Variants in EPS15L1 observed in about 807,000 individuals in gnomAD.
EPS15L1 encodes epidermal growth factor receptor pathway substrate 15 like 1, also known as epidermal growth factor receptor substrate 15-like 1.
In EPS15L1, 43 loss-of-function variants were observed where a neutral mutation model predicts 117.1. That is an observed-to-expected ratio of 0.37 (90% confidence interval 0.29 to 0.47). EPS15L1 has a LOEUF of 0.47. EPS15L1 is among the 20% of genes least tolerant of loss of function. The pLI, the probability that EPS15L1 is intolerant of heterozygous loss-of-function variation, is 0.99. For missense variants in EPS15L1, 981 were observed against 1,164.0 expected, an observed-to-expected ratio of 0.84 and a Z score of 2.29; for synonymous variants, 459 against 470.5, an observed-to-expected ratio of 0.98 and a Z score of 0.32.
At chr19:16,386,703 GC>G (rs1223762013) in intron 19 of EPS15L1, among the ~76,000 whole-genome samples, 1 of 152,226 alleles carries the variant, frequency 6.6e-6, no homozygotes, top group Non-Finnish European at 1.5e-5. Context: ...AAAGATGCAA[GC>G]CCTGAACTTC....
At chr19:16,417,867 C>A in intron 11 of EPS15L1, 81 bp downstream of exon 11, 1 of 1,534,224 alleles carries the variant, frequency 6.5e-7, no homozygotes, top group Admixed American at 1.9e-5. Flanking sequence ...ACCGTGGGCT[C>A]ATGTGTGCCA....
chr19:16,392,238 G>A, intron 19 of EPS15L1, 66 bp downstream of exon 19: 2 of 1,587,580 alleles, frequency 1.3e-6, no homozygotes, highest in Non-Finnish European at 1.7e-6. Context: ...GGGCCTTCGG[G>A]AAGCGCCACC....
rs1381550916 is a variant in EPS15L1, at chr19:16,417,599, G to A, written c.1146C>T (p.Gly382=). 18 of 1,614,064 alleles carry A rather than the reference G, an allele frequency of 1.1e-5. No homozygotes were observed. The highest frequency in any genetic ancestry group is 6.6e-5 in the South Asian group (6 of 91,084). ...GACTGATGTCATCAAGCTCCTTCAC[G>A]CCAGTAAACTCCCCGGAGCCGAGAG... is the stretch of plus-strand genomic sequence containing the variant. The part of the protein sequence containing the change: ...SGSLGSGEFT[G]VKELDDISQE... The change falls in exon 12 of 24, where the codon GGC becomes GGT. Residue 382 remains glycine (G), a synonymous_variant. Transcript: ENST00000455140.
At chr19:16,412,197 G>C (rs953450784) in intron 13 of EPS15L1, among the ~76,000 whole-genome samples, 3 of 152,060 alleles carry the variant, frequency 2.0e-5, no homozygotes, top group African/African-American at 7.2e-5. Context: ...TTTAGAAAAA[G>C]AGAAGCCACC....
intron 19 of EPS15L1, among the ~76,000 whole-genome samples, chr19:16,388,228 C>A (rs1378130843): frequency 6.6e-6 from 1 of 152,034 alleles, no homozygotes. Context: ...TTAGTAGAGA[C>A]GGGGTTTCAC....
chr19:16,368,522 T>C (rs2092171828), intron 22 of EPS15L1, among the ~76,000 whole-genome samples: 1 of 151,762 alleles, frequency 6.6e-6, no homozygotes, highest in Admixed American at 6.6e-5. Flanking sequence ...ACACAACAGG[T>C]GATCCCACAC....
intron 1 of EPS15L1, among the ~76,000 whole-genome samples, chr19:16,445,955 G>A (rs1473048725): frequency 1.3e-5 from 2 of 152,252 alleles, no homozygotes; most frequent in African/African-American, 4.8e-5. Context: ...AATTGTTGAT[G>A]AGGTTCAGTG....
intron 9 of EPS15L1, among the ~76,000 whole-genome samples, chr19:16,423,689 A>C (rs1010696085): frequency 2.0e-5 from 3 of 152,208 alleles, no homozygotes; most frequent in Non-Finnish European, 1.5e-5. Context: ...AGCCTTCTCA[A>C]GTCTGGTGGA....
At chr19:16,460,317 G>A (rs1308325214) in intron 1 of EPS15L1, among the ~76,000 whole-genome samples, 3 of 152,016 alleles carry the variant, frequency 2.0e-5, no homozygotes, top group African/African-American at 7.2e-5. Flanking sequence ...AATTCTCTTA[G>A]TCTCAGCTGT....
rs1376128039 is a variant in EPS15L1, at chr19:16,425,072, G to A, written c.792+11C>T. 6.2e-7 allele frequency: 1 copy of A among 1,610,058 alleles called. No homozygotes were observed. The highest frequency in any genetic ancestry group is 1.3e-5 in the African/African-American group (1 of 74,864). ...TCTGAGAGGGGGCTGTGCCCGCTGA[G>A]GGCTCCGTACCTGTGTTTGCTTGAG... On this transcript the variant is annotated intron_variant, in intron 9 of 23. Coordinates refer to ENST00000455140, the MANE Select transcript of EPS15L1 (RefSeq NM_001258374.3).
At chr19:16,431,440 ACT>A (rs1331797711) in intron 7 of EPS15L1, among the ~76,000 whole-genome samples, 7 of 151,338 alleles carry the variant, frequency 4.6e-5, no homozygotes, top group African/African-American at 1.7e-4. Flanking sequence ...AGTCGCTGGG[ACT>A]ACATGAGTGT....
chr19:16,378,166 T>C (rs1161070847), intron 21 of EPS15L1, among the ~76,000 whole-genome samples: 2 of 151,656 alleles, frequency 1.3e-5, no homozygotes, highest in Non-Finnish European at 2.9e-5. Context: ...GGGTGGGTGG[T>C]AGACAGGGAG....
chr19:16,407,198 G>A (rs2092665095), intron 13 of EPS15L1, among the ~76,000 whole-genome samples: 1 of 152,120 alleles, frequency 6.6e-6, no homozygotes, highest in Non-Finnish European at 1.5e-5. Flanking sequence ...AGGTGCTCAG[G>A]GTACCTCACC....
intron 4 of EPS15L1, among the ~76,000 whole-genome samples, chr19:16,438,893 C>T (rs1599650748): frequency 1.3e-5 from 2 of 152,116 alleles, no homozygotes; most frequent in East Asian, 3.9e-4. Flanking sequence ...TGGTTCACCA[C>T]GATCCCCTCG....
chr19:16,367,071 GGA>G (rs2092143363), intron 22 of EPS15L1, among the ~76,000 whole-genome samples: 1 of 151,970 alleles, frequency 6.6e-6, no homozygotes, highest in Non-Finnish European at 1.5e-5. Context: ...ACATGAGTAA[GGA>G]GAGAGCTTTA....
chr19:16,402,755 C>CT, intron 15 of EPS15L1, among the ~76,000 whole-genome samples: 1 of 151,930 alleles, frequency 6.6e-6, no homozygotes, highest in South Asian at 2.1e-4. Flanking sequence ...AAAAAAAATT[C>CT]TGTATTTTTT....
At chr19:16,431,252 T>G (rs974516985) in intron 7 of EPS15L1, among the ~76,000 whole-genome samples, 4 of 151,492 alleles carry the variant, frequency 2.6e-5, no homozygotes, top group Non-Finnish European at 5.9e-5. Flanking sequence ...AAAAAAACTT[T>G]TTTTTAATAA....
intron 19 of EPS15L1, among the ~76,000 whole-genome samples, chr19:16,389,969 C>T (rs1434775397): frequency 6.6e-6 from 1 of 151,716 alleles, no homozygotes; most frequent in Non-Finnish European, 1.5e-5. Flanking sequence ...AAGCAGGAAA[C>T]AAAACATGGG....
chr19:16,456,077 G>C (rs1174468903), intron 1 of EPS15L1, among the ~76,000 whole-genome samples: 1 of 152,144 alleles, frequency 6.6e-6, no homozygotes, highest in African/African-American at 2.4e-5. Flanking sequence ...GCACAGGCCT[G>C]TAATCCCAGC....
Sources: allele counts gnomAD v4.1 joint callset (sites outside exome capture counted in the v4.1 genomes callset), GRCh38; gene constraint gnomAD v4.1.1; transcripts MANE v1.5; gene names NCBI Gene and HGNC (gene_info 2026-07-23, HGNC 2026-07-21).